XPR1: variants seen among roughly 807,000 people sequenced by gnomAD.
XPR1 encodes the protein solute carrier family 53 member 1.
A neutral mutation model predicts 87.5 loss-of-function variants in XPR1; 28 were observed. That is an observed-to-expected ratio of 0.32 (90% CI 0.24 to 0.44). XPR1 has a LOEUF of 0.44. XPR1 is among the 20% of genes least tolerant of loss of function. XPR1 has a pLI of 1.00. For synonymous variants in XPR1, 300 were observed against 306.1 expected (o/e 0.98, Z 0.21); for missense variants, 559 against 862.3 (o/e 0.65, Z 4.41).
At chr1:180,882,466 C>T (rs770559894) in intron 14 of XPR1, among the ~76,000 whole-genome samples, 7 of 152,180 alleles carry the variant, frequency 4.6e-5, no homozygotes, top group Admixed American at 3.3e-4. Context: ...AAGCACTCCT[C>T]CCACCTCAGC....
At chr1:180,642,828 AG>A (rs1408293065) in intron 1 of XPR1, among the ~76,000 whole-genome samples, 1 of 152,162 alleles carries the variant, frequency 6.6e-6, no homozygotes, top group East Asian at 1.9e-4. Flanking sequence ...TTATCTTGGA[AG>A]GATCTGCAGA....
Position 180,758,855 on chromosome 1 carries a change from C to T in XPR1, c.122-28898C>T, listed in dbSNP as rs1480059489. 6 of 152,366 alleles carry T rather than the reference C, an allele frequency of 3.9e-5. 1 individual carries two copies. The highest frequency in any genetic ancestry group is 2.0e-4 in the Admixed American group (3 of 15,268). 9.4% of individuals were successfully genotyped at this position (152,366 alleles called of 1,614,324 possible). On this transcript the variant is annotated intron_variant, in intron 2 of 14. Transcript: ENST00000367590. ...ACCCCACCTATTCCAAAATTGACCA[C>T]GTAGTTGGAAGTAAAGCACTCCTCA...
chr1:180,632,426 G>A (rs1049722694), intron 1 of XPR1, among the ~76,000 whole-genome samples, 156 bp downstream of exon 1: 6 of 152,108 alleles, frequency 3.9e-5, no homozygotes, highest in Admixed American at 2.0e-4. Flanking sequence ...CGCCGCGGCC[G>A]GCCGCCTCCC....
intron 2 of XPR1, among the ~76,000 whole-genome samples, chr1:180,741,353 A>T (rs1296235637): frequency 6.6e-6 from 1 of 151,830 alleles, no homozygotes; most frequent in Admixed American, 6.6e-5. Flanking sequence ...TTTAGTAGAG[A>T]TGGGGTTTCA....
chr1:180,727,156 C>T (rs1044963965), intron 2 of XPR1, among the ~76,000 whole-genome samples: 2 of 152,076 alleles, frequency 1.3e-5, no homozygotes, highest in African/African-American at 4.8e-5. Context: ...AGCCACCGCG[C>T]CTGGCTTGGC....
chr1:180,790,825 G>A (rs1649351700), intron 3 of XPR1, among the ~76,000 whole-genome samples: 1 of 152,184 alleles, frequency 6.6e-6, no homozygotes, highest in South Asian at 2.1e-4. Flanking sequence ...GCAGGTGTGA[G>A]CCACTGTGCA....
intron 2 of XPR1, among the ~76,000 whole-genome samples, chr1:180,727,887 A>T (rs1269446113): frequency 6.6e-6 from 1 of 152,202 alleles, no homozygotes; most frequent in Non-Finnish European, 1.5e-5. Context: ...GTGTAGCAGT[A>T]AGGATGACCA....
intron 2 of XPR1, among the ~76,000 whole-genome samples, chr1:180,759,026 T>C (rs916961179): frequency 1.3e-5 from 2 of 152,038 alleles, no homozygotes; most frequent in African/African-American, 4.8e-5. Context: ...ACTGGGTACA[T>C]AACAAAATGA....
intron 2 of XPR1, among the ~76,000 whole-genome samples, chr1:180,764,440 A>T (rs546618062): frequency 3.1e-4 from 47 of 150,574 alleles, no homozygotes; most frequent in South Asian, 8.4e-4. Flanking sequence ...TTTTTTTTTT[A>T]AACTGTTAAA....
intron 7 of XPR1, among the ~76,000 whole-genome samples, chr1:180,816,553 G>A (rs1650420510): frequency 6.6e-6 from 1 of 152,188 alleles, no homozygotes; most frequent in Non-Finnish European, 1.5e-5. Context: ...GTTTGTAATA[G>A]TATCCAGTCA....
chr1:180,780,767 C>CAAA (rs756960289), intron 2 of XPR1, among the ~76,000 whole-genome samples: 4 of 106,072 alleles, frequency 3.8e-5, no homozygotes, highest in African/African-American at 1.5e-4. Flanking sequence ...GACTCTGTCT[C>CAAA]AAAAAAAAAA....
intron 2 of XPR1, among the ~76,000 whole-genome samples, chr1:180,719,232 TG>T (rs1420357387): frequency 6.6e-6 from 1 of 152,192 alleles, no homozygotes; most frequent in Non-Finnish European, 1.5e-5. Context: ...ACTAGTTAAA[TG>T]TTTATGTGAT....
At chr1:180,777,255 G>A (rs4652529) in intron 2 of XPR1, among the ~76,000 whole-genome samples, 3 of 151,780 alleles carry the variant, frequency 2.0e-5, no homozygotes, top group East Asian at 1.9e-4. Context: ...GATCTCTCCC[G>A]TGGTATCTAC....
chr1:180,881,302 T>A (rs1652846165), intron 14 of XPR1, among the ~76,000 whole-genome samples: 1 of 152,174 alleles, frequency 6.6e-6, no homozygotes, highest in Non-Finnish European at 1.5e-5. Flanking sequence ...TAGCTGGGAC[T>A]ACAGGCGTCC....
At position 180,659,104 on chromosome 1, in the gene XPR1, C is replaced by G. The variant is rs560034186; in HGVS notation, c.70-23256C>G. 3.0e-5 allele frequency among the ~76,000 whole-genome samples: 4 copies of G among 134,824 alleles called. No homozygotes were observed. The South Asian group carries it at 9.3e-4, about 31-fold the overall frequency. The allele number at this position is 134,824 out of a possible 152,430, so 88.4% of individuals were successfully genotyped here. ...CCTTCCTTCCTTCCTCCCTCCCTCC[C>G]TCCCTTCCTCCCTCCCTCCTTCCCT... On this transcript the variant is annotated intron_variant, in intron 1 of 14. Transcript: ENST00000367590.
chr1:180,673,716 C>T (rs1656266154), intron 1 of XPR1, among the ~76,000 whole-genome samples: 4 of 152,186 alleles, frequency 2.6e-5, no homozygotes, highest in Admixed American at 2.6e-4. Context: ...AACTAATTAT[C>T]TGAAGTGGAA....
rs1009441967 is a variant in XPR1 at position 180,647,902 on chromosome 1, C to CAAA, written c.69+15653_69+15655dup. Among the ~76,000 whole-genome samples, 33 of 55,880 alleles carry CAAA rather than the reference C, an allele frequency of 5.9e-4. 2 individuals are homozygous for CAAA. The highest frequency in any genetic ancestry group is 1.7e-3 in the South Asian group (2 of 1,174). 36.7% of individuals were successfully genotyped at this position (55,880 alleles called of 152,430 possible). A position where few individuals can be genotyped will look rare whatever the true frequency, so the allele number is the denominator to read the frequency against. On this transcript the variant is annotated intron_variant, in intron 1 of 14. Transcript: ENST00000367590. ...GGTGACAGAGTGAGACTCTTATCTGCAAAAAAAAAAAAAAAAAAAAAAAGG... is the reference window on the plus strand; with the variant it reads ...GGTGACAGAGTGAGACTCTTATCTGCAAAAAAAAAAAAAAAAAAAAAAAAAAGG...
intron 1 of XPR1, among the ~76,000 whole-genome samples, chr1:180,659,434 TC>T (rs1655684392): frequency 1.0e-5 from 1 of 95,356 alleles, no homozygotes; most frequent in Admixed American, 1.1e-4. Flanking sequence ...CTTCCTTCCT[TC>T]CTTCTTCCCT....
In XPR1 at chr1:180,756,833, G is replaced by A. The variant is rs535568033; in HGVS notation, c.122-30920G>A. 7.2e-5 allele frequency among the ~76,000 whole-genome samples: 11 copies of A among 152,220 alleles called. No individual in the cohort carries two copies. In the South Asian group the frequency reaches 2.1e-3, roughly 29 times the overall value. On this transcript the variant is annotated intron_variant, in intron 2 of 14. Transcript: ENST00000367590. ...TTTGCTCCATTTTGAATTAATTTTC[G>A]CACATGATAGAAAGACTCTCCCTTC...
Sources: gnomAD v4.1 joint callset for allele counts (sites outside exome capture counted in the v4.1 genomes callset) on GRCh38, gnomAD v4.1.1 for gene constraint, MANE v1.5 for transcripts, NCBI Gene and HGNC (gene_info 2026-07-23, HGNC 2026-07-21) for gene names.